JAKMIP3: variants seen among roughly 807,000 people sequenced by gnomAD.
JAKMIP3 encodes Janus kinase and microtubule interacting protein 3, also known as janus kinase and microtubule-interacting protein 3.
JAKMIP3 carries 58 observed loss-of-function variants against 118.5 expected under a neutral mutation model. The ratio of observed to expected loss-of-function variants is 0.49; its 90% CI spans 0.40 to 0.61. JAKMIP3 has a LOEUF of 0.61. JAKMIP3 is among the 20% of genes least tolerant of loss of function. The probability of loss-of-function intolerance (pLI) is 0.00; values close to 1 mark genes in which losing one functional copy is unlikely to be tolerated. For synonymous variants in JAKMIP3, 486 were observed against 451.2 expected, an observed-to-expected ratio of 1.08 and a Z score of -0.98; for missense variants, 950 against 1,109.0, an observed-to-expected ratio of 0.86 and a Z score of 2.04.
In JAKMIP3 at chr10:132,087,950, A is replaced by T. The variant is rs529763214; in HGVS notation, c.-137-16722A>T. ...TCAATTCCCACCTATGAGTGAGAACATGCAGTGTTTAGTTTTTTGTCCTTG... is the reference window on the plus strand; with the variant it reads ...TCAATTCCCACCTATGAGTGAGAACTTGCAGTGTTTAGTTTTTTGTCCTTG... On this transcript the variant is annotated intron_variant, in intron 1 of 23. Coordinates refer to ENST00000684848, the MANE Select transcript of JAKMIP3 (RefSeq NM_001323087.2). Among the ~76,000 whole-genome samples the T allele has an allele frequency of 7.9e-5, 12 of 152,194 alleles. No individual in the cohort carries two copies. In the South Asian group the frequency reaches 2.3e-3, roughly 29 times the overall value.
intron 1 of JAKMIP3, among the ~76,000 whole-genome samples, chr10:132,046,277 A>G (rs1355886761): frequency 2.6e-5 from 4 of 151,672 alleles, no homozygotes; most frequent in Admixed American, 2.6e-4. Context: ...ACACAGTGAA[A>G]CCCCCGTCTC....
intron 21 of JAKMIP3, 124 bp from the exon 22 acceptor site, chr10:132,166,859 C>A: frequency 1.4e-6 from 1 of 719,992 alleles, no homozygotes; most frequent in Non-Finnish European, 2.4e-6. Context: ...TAATAGCGTC[C>A]TCTCCTCCCT....
chr10:132,065,957 G>C lies in JAKMIP3; in HGVS notation c.-242G>C, dbSNP rs962420801. Among the ~76,000 whole-genome samples the C allele has an allele frequency of 4.6e-5, 7 of 152,188 alleles. No homozygotes were observed. Among genetic ancestry groups the C allele is most frequent in the Non-Finnish European group, 8.8e-5 (6 of 68,030 alleles). On this transcript the variant is annotated 5_prime_UTR_variant, in exon 1 of 24. Transcript: ENST00000684848. The surrounding 1 kb of genome is among the most constrained non-coding windows in gnomAD (Gnocchi z 5.6). Reference sequence around the variant, plus strand: ...CTCTTTGCTGAGTCATAGAAGCTCGGAGCTGATTTGCGCAAAAGCCGGACT... The same window carrying C: ...CTCTTTGCTGAGTCATAGAAGCTCGCAGCTGATTTGCGCAAAAGCCGGACT...
At chr10:132,166,661 GGGA>G (rs1261975220) in intron 21 of JAKMIP3, among the ~76,000 whole-genome samples, 4 of 152,200 alleles carry the variant, frequency 2.6e-5, no homozygotes, top group Non-Finnish European at 4.4e-5. Flanking sequence ...TTTCACTTCA[GGGA>G]GGAGGAGACC....
chr10:132,096,909 C>G (rs1000895244), intron 1 of JAKMIP3, among the ~76,000 whole-genome samples: 4 of 152,192 alleles, frequency 2.6e-5, no homozygotes, highest in Admixed American at 6.5e-5. Flanking sequence ...CCAACTGGCT[C>G]AGACAAACCA....
At chr10:132,092,346 A>G (rs182277335) in intron 1 of JAKMIP3, among the ~76,000 whole-genome samples, 20 of 152,302 alleles carry the variant, frequency 1.3e-4, no homozygotes, top group African/African-American at 4.1e-4. Flanking sequence ...CTCCTGGATA[A>G]TATCCTGCAG....
At chr10:132,038,113 G>C (rs916699497) in intron 1 of JAKMIP3, among the ~76,000 whole-genome samples, 1 of 152,212 alleles carries the variant, frequency 6.6e-6, no homozygotes, top group East Asian at 1.9e-4. Context: ...CCATGGACAA[G>C]CTTCCTGTTT....
In JAKMIP3 at chr10:132,049,168, T is replaced by C. The variant is rs2038027038; in HGVS notation, c.-138+12430T>C. ...TTTCACCAGCATGTCTCAAAGTTGG[T>C]GGTCTGGGTTGATTTTCTAGCGGCT... On this transcript the variant is annotated intron_variant, in intron 1 of 23. Transcript: ENST00000657785. This position sits in a 1 kb window ranked among gnomAD's most constrained non-coding sequence, Gnocchi z 4.3. Among the ~76,000 whole-genome samples the C allele has an allele frequency of 6.6e-6, 1 of 152,116 alleles. No homozygotes were observed. Among genetic ancestry groups the C allele is most frequent in the Admixed American group, 6.5e-5 (1 of 15,268 alleles).
At chr10:132,151,287 C>T (rs1290117117) in intron 16 of JAKMIP3, among the ~76,000 whole-genome samples, 1 of 152,130 alleles carries the variant, frequency 6.6e-6, no homozygotes, top group South Asian at 2.1e-4. Flanking sequence ...CACCTATCCA[C>T]ATCCCCTCCC....
rs932815653 is a variant in JAKMIP3 at position 132,112,845 on chromosome 10, T to C, written c.136-4232T>C. 1.3e-5 allele frequency among the ~76,000 whole-genome samples: 2 copies of C among 152,170 alleles called. No individual in the cohort carries two copies. Among genetic ancestry groups the C allele is most frequent in the Non-Finnish European group, 2.9e-5 (2 of 68,016 alleles). On this transcript the variant is annotated intron_variant, in intron 2 of 23. Coordinates refer to ENST00000684848, the MANE Select transcript of JAKMIP3 (RefSeq NM_001323087.2). This position sits in a 1 kb window ranked among gnomAD's most constrained non-coding sequence, Gnocchi z 4.3. ...CGCCGCTTCTTGGTCAGCCTGCCTC[T>C]GCCTGGCTGCGAATCCCCTCTCTCG...
rs980348226 is a variant in JAKMIP3 at position 132,145,226 on chromosome 10, C to T, written c.1686+36C>T. The T allele has an allele frequency of 9.2e-6, 14 of 1,520,856 alleles. No individual in the cohort carries two copies. The African/African-American group carries it at 1.2e-4, about 13-fold the overall frequency. 94.2% of individuals were successfully genotyped at this position (1,520,856 alleles called of 1,614,324 possible). ...AGCCATCTGCACGGGCGTGGGGGCA[C>T]ACGTGGGTGGGAGGTATTTGGCTGT... On this transcript the variant is annotated intron_variant, in intron 12 of 23. Coordinates refer to ENST00000684848, the MANE Select transcript of JAKMIP3 (RefSeq NM_001323087.2).
At chr10:132,134,119 C>A (rs1006148486) in intron 4 of JAKMIP3, among the ~76,000 whole-genome samples, 2 of 152,228 alleles carry the variant, frequency 1.3e-5, no homozygotes, top group African/African-American at 4.8e-5. Context: ...CTTGCTGCCG[C>A]TCCGCACTCA....
chr10:132,098,106 G>A (rs2044279580), intron 1 of JAKMIP3, among the ~76,000 whole-genome samples: 1 of 150,374 alleles, frequency 6.7e-6, no homozygotes, highest in Non-Finnish European at 1.5e-5. Context: ...CATGATCACA[G>A]CTCACTGTGG....
chr10:132,153,006 C>A lies in JAKMIP3; in HGVS notation c.2056C>A (p.Leu686Met). 6.2e-7 allele frequency: 1 copy of A among 1,608,714 alleles called. No homozygotes were observed. Among genetic ancestry groups the A allele is most frequent in the South Asian group, 1.1e-5 (1 of 89,682 alleles). Residue 686 changes from leucine to methionine, a missense_variant, in exon 17 of 24, where the codon CTG (leucine) becomes ATG (methionine). Leu to Met is a conservative substitution (Grantham distance 15, BLOSUM62 2). Transcript: ENST00000684848. The part of the protein sequence containing the change: ...QVVVIQARTV[L>M]TLAEKWLQQI... ...GGTTGTCATACAAGCCAGGACAGTC[C>A]TGACCTTGGCCGAAAAGGTAACAGC...
In JAKMIP3 at chr10:132,179,514, C is replaced by T. The variant is rs1331095284; in HGVS notation, c.*1104-2843C>T. On this transcript the variant is annotated intron_variant, in intron 23 of 23. Transcript: ENST00000684848. This position sits in a 1 kb window ranked among gnomAD's most constrained non-coding sequence, Gnocchi z 4.3. Reference sequence around the variant, plus strand: ...TGTGGCACTGATACACTCACATAAACATTTGCCACGTGAATGGCCAAGTAC... The same window carrying T: ...TGTGGCACTGATACACTCACATAAATATTTGCCACGTGAATGGCCAAGTAC... 6.6e-6 allele frequency among the ~76,000 whole-genome samples: 1 copy of T among 152,200 alleles called. No individual in the cohort carries two copies. Among genetic ancestry groups the T allele is most frequent in the Non-Finnish European group, 1.5e-5 (1 of 68,036 alleles).
At chr10:132,125,556 T>G (rs10870264) in intron 3 of JAKMIP3, among the ~76,000 whole-genome samples, 53,033 of 152,208 alleles carry the variant, frequency 0.35, 9,298 homozygotes, top group East Asian at 0.43. Context: ...CTTTTCTGTA[T>G]GAAACTTAAA....
chr10:132,137,927 T>C (rs1205734907), intron 8 of JAKMIP3, among the ~76,000 whole-genome samples, 192 bp from the exon 9 acceptor site: 1 of 152,188 alleles, frequency 6.6e-6, no homozygotes, highest in Non-Finnish European at 1.5e-5. Context: ...GAGCCGTCCG[T>C]GTCACCCTGG....
intron 23 of JAKMIP3, among the ~76,000 whole-genome samples, chr10:132,173,955 GTGGTGGTCTGTGGTGTGTCTC>G (rs2059898515): frequency 7.4e-6 from 1 of 135,808 alleles, no homozygotes. Context: ...TGGTGTGTCT[GTGGTGGTCTGTGGTGTGTCTC>G]TGGTGGTCTG....
intron 1 of JAKMIP3, among the ~76,000 whole-genome samples, chr10:132,070,579 C>A (rs114683412): frequency 1.5e-3 from 229 of 152,236 alleles, no homozygotes; most frequent in African/African-American, 5.3e-3. Context: ...GACCCTCTTC[C>A]TTTTATGTAG....
Sources: allele counts gnomAD v4.1 joint callset (sites outside exome capture counted in the v4.1 genomes callset), GRCh38; gene constraint gnomAD v4.1.1; non-coding constraint Gnocchi (gnomAD v3.1); transcripts MANE v1.5; gene names NCBI Gene and HGNC (gene_info 2026-07-23, HGNC 2026-07-21).